Variants in IL1RAPL2 observed in about 807,000 individuals in gnomAD.
IL1RAPL2 encodes the protein X-linked interleukin-1 receptor accessory protein-like 2.
IL1RAPL2 carries 3 observed loss-of-function variants against 44.1 expected under a neutral mutation model. The observed-to-expected ratio is 0.07, with a 90% CI of 0.03 to 0.18. The LOEUF (loss-of-function observed/expected upper bound fraction) is 0.18, where lower values mean the gene tolerates loss of function less well. IL1RAPL2 is among the 10% of genes least tolerant of loss of function. The pLI, the probability that IL1RAPL2 is intolerant of heterozygous loss-of-function variation, is 1.00. For missense variants in IL1RAPL2, 391 were observed against 496.4 expected (o/e 0.79, Z 2.02); for synonymous variants, 181 against 178.8 (o/e 1.01, Z -0.10).
At chrX:104,868,245 T>C (rs912076092) in intron 2 of IL1RAPL2, among the ~76,000 whole-genome samples, 1 of 112,068 alleles carries the variant, frequency 8.9e-6, no homozygotes, top group African/African-American at 3.2e-5. Context: ...TTTAGCTATA[T>C]TGCAAGATTG....
chrX:105,463,509 CAG>C (rs969548427), intron 5 of IL1RAPL2, among the ~76,000 whole-genome samples: 6 of 109,703 alleles, frequency 5.5e-5, no homozygotes, highest in Non-Finnish European at 9.5e-5. Flanking sequence ...TATGTGAAAA[CAG>C]GGGATTGGGC....
At chrX:105,116,836 T>C (rs1175226294) in intron 2 of IL1RAPL2, among the ~76,000 whole-genome samples, 1 of 112,607 alleles carries the variant, frequency 8.9e-6, no homozygotes, top group Non-Finnish European at 1.9e-5. Flanking sequence ...AAGTATTTCC[T>C]ATCTGGAACC....
At chrX:105,056,881 A>T (rs1367480901) in intron 2 of IL1RAPL2, among the ~76,000 whole-genome samples, 1 of 111,394 alleles carries the variant, frequency 9.0e-6, no homozygotes, top group Non-Finnish European at 1.9e-5. Context: ...CAAGCAAGCT[A>T]GTATCGGGAA....
chrX:104,949,111 A>C (rs1374808928), intron 2 of IL1RAPL2, among the ~76,000 whole-genome samples: 97 of 111,032 alleles, frequency 8.7e-4, no homozygotes, highest in Non-Finnish European at 1.5e-3. Context: ...TTATTGGTCT[A>C]TTCAGAGATT....
intron 2 of IL1RAPL2, among the ~76,000 whole-genome samples, chrX:104,914,903 T>C (rs1924365837): frequency 8.9e-6 from 1 of 111,942 alleles, no homozygotes; most frequent in South Asian, 3.8e-4. Flanking sequence ...ACTCATCCTT[T>C]TTTATGGCTG....
chrX:104,759,717 ATGT>A (rs1932395937), intron 2 of IL1RAPL2, among the ~76,000 whole-genome samples: 1 of 111,413 alleles, frequency 9.0e-6, no homozygotes, highest in Admixed American at 9.5e-5. Context: ...AATACATGAG[ATGT>A]TGTGATACAG....
At chrX:104,924,136 A>G (rs1924718248) in intron 2 of IL1RAPL2, among the ~76,000 whole-genome samples, 1 of 111,284 alleles carries the variant, frequency 9.0e-6, no homozygotes, top group Admixed American at 9.6e-5. Flanking sequence ...TGTGCACCCA[A>G]CACTAGAGTA....
At chrX:105,352,040 A>T (rs2035159835) in intron 5 of IL1RAPL2, among the ~76,000 whole-genome samples, 1 of 111,005 alleles carries the variant, frequency 9.0e-6, no homozygotes, top group Non-Finnish European at 1.9e-5. Context: ...CTTCTTCCTC[A>T]GCCTCCCAAG....
chrX:105,056,384 G>C (rs1434802731), intron 2 of IL1RAPL2, among the ~76,000 whole-genome samples: 1 of 111,599 alleles, frequency 9.0e-6, no homozygotes, highest in East Asian at 2.8e-4. Context: ...TGTCTATTTT[G>C]AGGTATTATG....
Position 105,400,646 on chromosome X carries a change from A to C in IL1RAPL2, c.698-83667A>C, listed in dbSNP as rs149445564. On this transcript the variant is annotated intron_variant, in intron 5 of 10. Coordinates refer to ENST00000372582, the MANE Select transcript of IL1RAPL2 (RefSeq NM_017416.2). ...TGATGACACAAGTGCATGCATTTGAAAAATAAAAAATGCAGTTATATTACC... is the reference window on the plus strand; with the variant it reads ...TGATGACACAAGTGCATGCATTTGACAAATAAAAAATGCAGTTATATTACC... 9.4e-3 allele frequency among the ~76,000 whole-genome samples: 1,029 copies of C among 109,669 alleles called. 15 individuals carry two copies. Among genetic ancestry groups the C allele is most frequent in the African/African-American group, 0.033 (950 of 28,932 alleles).
At chrX:105,447,830 ATATAT>A (rs1375254747) in intron 5 of IL1RAPL2, among the ~76,000 whole-genome samples, 4 of 92,155 alleles carry the variant, frequency 4.3e-5, no homozygotes, top group Admixed American at 2.8e-4. Flanking sequence ...ATATATATAA[ATATAT>A]TATACATATA....
intron 6 of IL1RAPL2, among the ~76,000 whole-genome samples, chrX:105,601,924 C>T (rs1056828785): frequency 2.7e-5 from 3 of 110,882 alleles, no homozygotes; most frequent in African/African-American, 9.9e-5. Flanking sequence ...CCAAGTAGAA[C>T]GTAATCCAGC....
intron 2 of IL1RAPL2, among the ~76,000 whole-genome samples, chrX:104,761,966 CTT>C (rs1932463367): frequency 1.0e-5 from 1 of 97,428 alleles, no homozygotes; most frequent in Non-Finnish European, 2.0e-5. Context: ...TCTTCTTCTT[CTT>C]CTTCTTCTTC....
intron 2 of IL1RAPL2, among the ~76,000 whole-genome samples, chrX:104,892,766 G>A (rs866137405): frequency 9.0e-6 from 1 of 111,215 alleles, no homozygotes; most frequent in African/African-American, 3.3e-5. Flanking sequence ...TTGATTTTTT[G>A]AAGGGTTTTT....
chrX:104,636,432 C>T (rs959012902), intron 1 of IL1RAPL2, among the ~76,000 whole-genome samples: 2 of 112,371 alleles, frequency 1.8e-5, no homozygotes, highest in African/African-American at 6.5e-5. Flanking sequence ...CAGTGCCCTG[C>T]CCCCAGAGGT....
chrX:105,600,845 A>C (rs2037246761), intron 6 of IL1RAPL2, among the ~76,000 whole-genome samples: 1 of 110,695 alleles, frequency 9.0e-6, no homozygotes, highest in Admixed American at 9.6e-5. Flanking sequence ...TGCCTTAATG[A>C]CCATTCCAAT....
At chrX:105,462,169 GATT>G (rs1295116652) in intron 5 of IL1RAPL2, among the ~76,000 whole-genome samples, 1 of 110,928 alleles carries the variant, frequency 9.0e-6, no homozygotes, top group Non-Finnish European at 1.9e-5. Flanking sequence ...TCAAAATTTG[GATT>G]ATTAAGGAGC....
intron 6 of IL1RAPL2, among the ~76,000 whole-genome samples, chrX:105,612,649 C>A (rs2037344994): frequency 8.9e-6 from 1 of 112,314 alleles, no homozygotes. Context: ...TGCCACCCCT[C>A]CCCCATCCCC....
rs1028321094 is a variant in IL1RAPL2, at chrX:105,370,775, T to C, written c.697+103234T>C. ...GGATTGCTGGGTCAAATGGTAGTTC[T>C]CTTTTAAGTTATTTGAGAAATCACC... is the stretch of plus-strand genomic sequence containing the variant. On this transcript the variant is annotated intron_variant, in intron 5 of 10. Coordinates refer to ENST00000372582, the MANE Select transcript of IL1RAPL2 (RefSeq NM_017416.2). Among the ~76,000 whole-genome samples the C allele has an allele frequency of 2.7e-5, 3 of 112,261 alleles. No individual in the cohort carries two copies. The South Asian group carries it at 1.1e-3, about 42-fold the overall frequency.
Sources: gnomAD v4.1 joint callset for allele counts (sites outside exome capture counted in the v4.1 genomes callset) on GRCh38, gnomAD v4.1.1 for gene constraint, MANE v1.5 for transcripts, NCBI Gene and HGNC (gene_info 2026-07-23, HGNC 2026-07-21) for gene names.